ELMO1: variants seen among roughly 807,000 people sequenced by gnomAD.
The protein encoded by ELMO1 is engulfment and cell motility 1.
Under a neutral mutation model 98.9 loss-of-function variants are expected in ELMO1, and 26 were observed. The observed-to-expected ratio is 0.26, with a 90% confidence interval of 0.19 to 0.36. The LOEUF (loss-of-function observed/expected upper bound fraction) is 0.36. Among genes scored for constraint, ELMO1 ranks in the 10% least tolerant of loss-of-function variants. The probability of loss-of-function intolerance (pLI) is 1.00; values close to 1 mark genes in which losing one functional copy is unlikely to be tolerated. For missense variants in ELMO1, 627 were observed against 935.2 expected (o/e 0.67, Z 4.30); for synonymous variants, 346 against 346.0 (o/e 1.00, Z 0.00).
chr7:37,147,969 G>T (rs1788106095), intron 13 of ELMO1, among the ~76,000 whole-genome samples: 2 of 152,206 alleles, frequency 1.3e-5, no homozygotes, highest in African/African-American at 4.8e-5. Context: ...ATCTGAAAGG[G>T]TATTGACAGT....
At position 36,916,571 on chromosome 7, in the gene ELMO1, C is replaced by T. The variant is rs147201234; in HGVS notation, c.1438-21554G>A. 2.4e-4 allele frequency among the ~76,000 whole-genome samples: 36 copies of T among 152,312 alleles called. No individual in the cohort carries two copies. The East Asian group carries it at 6.7e-3, about 29-fold the overall frequency. On this transcript the variant is annotated intron_variant, in intron 16 of 21. Coordinates refer to ENST00000310758, the MANE Select transcript of ELMO1 (RefSeq NM_014800.11). ...TTTTTAAGACAGTGCTTCCAAGCTC[C>T]CCCATTCCTTTTAGCAGTAGAATCC...
intron 2 of ELMO1, among the ~76,000 whole-genome samples, chr7:37,317,471 C>T (rs906444437): frequency 2.6e-5 from 4 of 152,168 alleles, no homozygotes; most frequent in African/African-American, 7.2e-5. Flanking sequence ...GGAACATATA[C>T]ACAATGAAGT....
intron 15 of ELMO1, among the ~76,000 whole-genome samples, chr7:37,033,588 T>C (rs927774752): frequency 6.6e-6 from 1 of 151,276 alleles, no homozygotes; most frequent in Admixed American, 6.6e-5. Flanking sequence ...TCCCAGGGAG[T>C]AGGGCTACAA....
intron 15 of ELMO1, among the ~76,000 whole-genome samples, chr7:37,057,323 A>G (rs1796438605): frequency 6.6e-6 from 1 of 152,148 alleles, no homozygotes; most frequent in Non-Finnish European, 1.5e-5. Flanking sequence ...CTAACTTTAT[A>G]GGATTAAAGA....
Position 37,066,275 on chromosome 7 carries a change from C to T in ELMO1, c.1300+30344G>A, listed in dbSNP as rs565558013. 6.6e-5 allele frequency among the ~76,000 whole-genome samples: 10 copies of T among 152,264 alleles called. No individual in the cohort carries two copies. The South Asian group carries it at 2.1e-3, about 32-fold the overall frequency. ...GAGATGGAATCAAAACTGTAGGGCACTGAGTGTGGCATGTCCATTAATGCA... is the reference window on the plus strand; with the variant it reads ...GAGATGGAATCAAAACTGTAGGGCATTGAGTGTGGCATGTCCATTAATGCA... On this transcript the variant is annotated intron_variant, in intron 15 of 21. Transcript: ENST00000310758.
chr7:36,864,133 C>T (rs766873694), intron 20 of ELMO1, among the ~76,000 whole-genome samples: 5 of 152,172 alleles, frequency 3.3e-5, no homozygotes, highest in Non-Finnish European at 7.3e-5. Context: ...AATCACGTGG[C>T]TGATCACCCC....
At chr7:36,871,185 G>A (rs1024750098) in intron 19 of ELMO1, among the ~76,000 whole-genome samples, 5 of 152,156 alleles carry the variant, frequency 3.3e-5, no homozygotes, top group African/African-American at 1.2e-4. Context: ...TGGAGTTGGC[G>A]GAAGATAAGA....
chr7:37,369,670 T>C (rs958008645), intron 1 of ELMO1, among the ~76,000 whole-genome samples: 1 of 114,664 alleles, frequency 8.7e-6, no homozygotes, highest in Non-Finnish European at 1.9e-5. Context: ...TAGCCCAAAA[T>C]GTAAAAAAAA....
At chr7:37,340,643 A>G (rs922747809) in intron 2 of ELMO1, among the ~76,000 whole-genome samples, 1 of 152,254 alleles carries the variant, frequency 6.6e-6, no homozygotes, top group African/African-American at 2.4e-5. Context: ...AGATATTAAC[A>G]TAAGGGGAAA....
At chr7:37,115,885 A>C (rs114062460) in intron 14 of ELMO1, among the ~76,000 whole-genome samples, 1,599 of 152,350 alleles carry the variant, frequency 0.01, 38 homozygotes, top group African/African-American at 0.035. Flanking sequence ...AAACAATTAC[A>C]GCAAGACTGC....
At chr7:36,891,222 T>C (rs574263890) in intron 17 of ELMO1, among the ~76,000 whole-genome samples, 1 of 152,376 alleles carries the variant, frequency 6.6e-6, no homozygotes, top group South Asian at 2.1e-4. Flanking sequence ...ATAATCACTG[T>C]AGGGGTAAGA....
Position 37,168,314 on chromosome 7 carries a change from C to T in ELMO1, c.1087-35080G>A, listed in dbSNP as rs560444447. On this transcript the variant is annotated intron_variant, in intron 13 of 21. Coordinates refer to ENST00000310758, the MANE Select transcript of ELMO1 (RefSeq NM_014800.11). The stretch of plus-strand genomic sequence containing the variant: ...CTCCTGTAGCTCATAGTTTGATCGT[C>T]TGAAGCCTTCTTCTCTGAACTTGTC... Among the ~76,000 whole-genome samples the T allele has an allele frequency of 2.0e-5, 3 of 152,284 alleles. No homozygotes were observed. In the East Asian group the frequency reaches 5.8e-4, roughly 29 times the overall value.
Position 37,216,780 on chromosome 7 carries a change from G to A in ELMO1, c.781-85C>T, listed in dbSNP as rs903729172. The A allele has an allele frequency of 5.6e-6, 8 of 1,420,972 alleles. No homozygotes were observed. The African/African-American group carries it at 9.9e-5, about 18-fold the overall frequency. The allele number at this position is 1,420,972 out of a possible 1,614,324, so 88.0% of individuals were successfully genotyped here. A position where few individuals can be genotyped will look rare whatever the true frequency, so the allele number is the denominator to read the frequency against. ...GCCAAAAATGACCTTATCCTGGGGT[G>A]TGCTTCGTAACTGTATATCAGCAGT... On this transcript the variant is annotated intron_variant, in intron 10 of 21. Coordinates refer to ENST00000310758, the MANE Select transcript of ELMO1 (RefSeq NM_014800.11).
chr7:37,205,183 G>T (rs181257030), intron 13 of ELMO1, among the ~76,000 whole-genome samples: 48 of 152,330 alleles, frequency 3.2e-4, no homozygotes, highest in Admixed American at 8.5e-4. Context: ...CTGCCCAAAA[G>T]CTCCCTGGGG....
At chr7:36,859,748 G>A (rs1242849463) in intron 21 of ELMO1, among the ~76,000 whole-genome samples, 2 of 152,166 alleles carry the variant, frequency 1.3e-5, no homozygotes, top group Non-Finnish European at 2.9e-5. Flanking sequence ...AGCATTAATG[G>A]TGCCTGGCAG....
At chr7:36,980,986 A>G (rs2129143408) in intron 16 of ELMO1, among the ~76,000 whole-genome samples, 1 of 152,218 alleles carries the variant, frequency 6.6e-6, no homozygotes, top group East Asian at 1.9e-4. Flanking sequence ...TTCACAAGGC[A>G]TTCTTGGGAA....
chr7:37,448,378 G>A (rs1194372522), intron 1 of ELMO1, among the ~76,000 whole-genome samples: 3 of 150,906 alleles, frequency 2.0e-5, no homozygotes, highest in Admixed American at 2.0e-4. Context: ...TCATCCGCGG[G>A]CGCCGCACCT....
At chr7:36,903,835 G>A (rs1783767258) in intron 16 of ELMO1, among the ~76,000 whole-genome samples, 1 of 152,230 alleles carries the variant, frequency 6.6e-6, no homozygotes, top group African/African-American at 2.4e-5. Flanking sequence ...ACTGCCCACA[G>A]TTTTCCTAAA....
intron 1 of ELMO1, among the ~76,000 whole-genome samples, chr7:37,440,441 C>CAA (rs34976721): frequency 1.6e-5 from 2 of 126,800 alleles, no homozygotes; most frequent in Non-Finnish European, 3.3e-5. Context: ...GACTCTAGCT[C>CAA]AAAAAAAAAA....
Sources: allele counts gnomAD v4.1 joint callset (sites outside exome capture counted in the v4.1 genomes callset), GRCh38; gene constraint gnomAD v4.1.1; transcripts MANE v1.5; gene names NCBI Gene and HGNC (gene_info 2026-07-23, HGNC 2026-07-21).